Variants in TANC1 observed in about 807,000 individuals in gnomAD.
TANC1 encodes the protein tetratricopeptide repeat, ankyrin repeat and coiled-coil containing 1.
Under a neutral mutation model 149.7 loss-of-function variants are expected in TANC1, and 77 were observed. The ratio of observed to expected loss-of-function variants is 0.51; its 90% confidence interval spans 0.43 to 0.62. The LOEUF is 0.62. Ranked by LOEUF, TANC1 falls within the 20% of genes least tolerant of loss-of-function variation. TANC1 has a pLI of 0.00. For synonymous variants in TANC1, 854 were observed against 925.0 expected, an observed-to-expected ratio of 0.92 and a Z score of 1.39; for missense variants, 1,985 against 2,321.8, an observed-to-expected ratio of 0.85 and a Z score of 2.98.
chr2:159,086,079 G>T (rs2044816954), intron 3 of TANC1, among the ~76,000 whole-genome samples: 1 of 152,092 alleles, frequency 6.6e-6, no homozygotes, highest in East Asian at 1.9e-4. Context: ...CACAGCTCCG[G>T]GGGCACTATT....
chr2:158,989,905 C>T (rs1305113774), intron 1 of TANC1, among the ~76,000 whole-genome samples: 2 of 151,316 alleles, frequency 1.3e-5, no homozygotes, highest in South Asian at 2.1e-4. Flanking sequence ...GTTTCTTCAT[C>T]TGTAAAATGG....
At chr2:159,152,013 C>G (rs545807451) in intron 7 of TANC1, among the ~76,000 whole-genome samples, 2 of 151,768 alleles carry the variant, frequency 1.3e-5, no homozygotes, top group Non-Finnish European at 2.9e-5. Context: ...TCCAAGCTCC[C>G]CAGTCCTAGT....
chr2:159,197,726 G>A (rs2150729996), intron 18 of TANC1, among the ~76,000 whole-genome samples: 1 of 152,202 alleles, frequency 6.6e-6, no homozygotes, highest in Middle Eastern at 3.4e-3. Context: ...GCCTAGGAAT[G>A]ACCTTGGTCT....
At chr2:158,994,230 G>C (rs185585147) in intron 1 of TANC1, among the ~76,000 whole-genome samples, 9 of 152,248 alleles carry the variant, frequency 5.9e-5, no homozygotes, top group Non-Finnish European at 1.5e-5. Context: ...TAGGAGCAGA[G>C]AAGGGATATA....
intron 2 of TANC1, among the ~76,000 whole-genome samples, chr2:159,050,854 G>C (rs2041412520): frequency 6.6e-6 from 1 of 152,194 alleles, no homozygotes; most frequent in Non-Finnish European, 1.5e-5. Context: ...GATGAATGCA[G>C]TTTTATAGTT....
At chr2:159,219,620 G>A in intron 21 of TANC1, 72 bp from the exon 22 acceptor site, 1 of 1,573,166 alleles carries the variant, frequency 6.4e-7, no homozygotes, top group East Asian at 2.2e-5. Flanking sequence ...TGTTCCGCAG[G>A]TGTGAAACAA....
intron 4 of TANC1, among the ~76,000 whole-genome samples, chr2:159,113,892 T>C (rs1464471989): frequency 6.6e-6 from 1 of 152,210 alleles, no homozygotes; most frequent in South Asian, 2.1e-4. Flanking sequence ...TTAGCAAATA[T>C]TGTTGAAACC....
At chr2:159,095,997 G>GTA (rs1440683650) in intron 3 of TANC1, among the ~76,000 whole-genome samples, 3 of 152,028 alleles carry the variant, frequency 2.0e-5, no homozygotes, top group East Asian at 1.9e-4. Flanking sequence ...GATTGTGTGT[G>GTA]TGTATGTGTG....
chr2:159,023,431 C>T (rs2149438358), intron 2 of TANC1, among the ~76,000 whole-genome samples: 1 of 151,976 alleles, frequency 6.6e-6, no homozygotes, highest in East Asian at 2.0e-4. Flanking sequence ...CAACCTCCAC[C>T]CTCCCAGCTC....
chr2:159,101,765 A>G (rs1382102634), intron 4 of TANC1, among the ~76,000 whole-genome samples: 3 of 152,218 alleles, frequency 2.0e-5, no homozygotes, highest in East Asian at 1.9e-4. Context: ...TTTATAAAGT[A>G]TCTGCATTTA....
At chr2:159,005,268 A>G (rs1326471905) in intron 2 of TANC1, among the ~76,000 whole-genome samples, 1 of 152,168 alleles carries the variant, frequency 6.6e-6, no homozygotes, top group East Asian at 1.9e-4. Flanking sequence ...GTTCCCAACA[A>G]TATTGACCAT....
intron 1 of TANC1, among the ~76,000 whole-genome samples, chr2:159,000,596 A>G (rs1333159619): frequency 6.6e-6 from 1 of 151,906 alleles, no homozygotes; most frequent in Non-Finnish European, 1.5e-5. Flanking sequence ...GGTTTGGCTA[A>G]AGAGGAGGGT....
intron 2 of TANC1, among the ~76,000 whole-genome samples, chr2:159,034,087 A>T (rs1486127317): frequency 2.0e-5 from 3 of 152,218 alleles, no homozygotes; most frequent in African/African-American, 7.2e-5. Context: ...ACTTAATGGA[A>T]ATATTCTTTA....
At chr2:159,058,516 T>A (rs1196132105) in intron 2 of TANC1, among the ~76,000 whole-genome samples, 1 of 152,192 alleles carries the variant, frequency 6.6e-6, no homozygotes, top group Admixed American at 6.5e-5. Context: ...CCATGGGGGA[T>A]TTGTGGAGTT....
In TANC1 at chr2:159,207,697, C is replaced by CAAAAAAAAAAAAAAAAAAAAAAAA. The variant is rs10603858; in HGVS notation, c.3244+8651_3244+8674dup. Among the ~76,000 whole-genome samples the CAAAAAAAAAAAAAAAAAAAAAAAA allele has an allele frequency of 5.5e-4, 27 of 49,432 alleles. 2 individuals are homozygous for CAAAAAAAAAAAAAAAAAAAAAAAA. Among genetic ancestry groups the CAAAAAAAAAAAAAAAAAAAAAAAA allele is most frequent in the Non-Finnish European group, 7.2e-4 (24 of 33,188 alleles). The allele number at this position is 49,432 out of a possible 152,430, so 32.4% of individuals were successfully genotyped here. A position where few individuals can be genotyped will look rare whatever the true frequency, so the allele number is the denominator to read the frequency against. ...CTGGGCGACTGAGCAACACGTGTCT[C>CAAAAAAAAAAAAAAAAAAAAAAAA]AAAAAAAAAAAAAAAAAAAAAAAAA... is the stretch of plus-strand genomic sequence containing the variant. On this transcript the variant is annotated intron_variant, in intron 19 of 26. Transcript: ENST00000263635.
intron 4 of TANC1, among the ~76,000 whole-genome samples, chr2:159,135,520 C>T (rs1471584551): frequency 6.6e-6 from 1 of 152,240 alleles, no homozygotes; most frequent in Non-Finnish European, 1.5e-5. Context: ...AGGGTTCCAT[C>T]CAGTCTTACG....
At chr2:158,973,142 A>G (rs978361417) in intron 1 of TANC1, among the ~76,000 whole-genome samples, 2 of 152,200 alleles carry the variant, frequency 1.3e-5, no homozygotes, top group African/African-American at 4.8e-5. Context: ...GAGGGATGAC[A>G]TAGTTCCTGG....
intron 1 of TANC1, among the ~76,000 whole-genome samples, chr2:158,979,365 A>G (rs2034043798): frequency 6.6e-6 from 1 of 151,850 alleles, no homozygotes; most frequent in South Asian, 2.1e-4. Context: ...TGGTGGTACC[A>G]TGCCTGTGGT....
chr2:159,176,537 A>G lies in TANC1; in HGVS notation c.1902+19A>G, dbSNP rs1461163445. On this transcript the variant is annotated intron_variant, in intron 13 of 26. Coordinates refer to ENST00000263635, the MANE Select transcript of TANC1 (RefSeq NM_033394.3). ...TTTTCAGGTAACAAAGAATTCTCAA[A>G]TCTTTCTCCAAGTCCCCATTCCAAT... is the stretch of plus-strand genomic sequence containing the variant. 6.4e-7 allele frequency: 1 copy of G among 1,572,906 alleles called. No individual in the cohort carries two copies. The highest frequency in any genetic ancestry group is 8.6e-7 in the Non-Finnish European group (1 of 1,160,698).
Sources: gnomAD v4.1 joint callset for allele counts (sites outside exome capture counted in the v4.1 genomes callset) on GRCh38, gnomAD v4.1.1 for gene constraint, MANE v1.5 for transcripts, NCBI Gene and HGNC (gene_info 2026-07-23, HGNC 2026-07-21) for gene names.